FAM135B: variants seen among roughly 807,000 people sequenced by gnomAD.
The protein encoded by FAM135B is family with sequence similarity 135 member B.
FAM135B carries 43 observed loss-of-function variants against 127.7 expected under a neutral mutation model. That is an observed-to-expected ratio of 0.34 (90% CI 0.26 to 0.43). The LOEUF (loss-of-function observed/expected upper bound fraction) is 0.43, where lower values mean the gene tolerates loss of function less well. Among genes scored for constraint, FAM135B ranks in the 20% least tolerant of loss-of-function variants. The pLI is 1.00. For synonymous variants in FAM135B, 670 were observed against 665.1 expected (o/e 1.01, Z -0.11); for missense variants, 1,558 against 1,725.6 (o/e 0.90, Z 1.72).
chr8:138,242,939 T>C lies in FAM135B; in HGVS notation c.669+3A>G. 1 of 1,613,026 alleles carries C rather than the reference T, an allele frequency of 6.2e-7. No homozygotes were observed. Among genetic ancestry groups the C allele is most frequent in the Non-Finnish European group, 8.5e-7 (1 of 1,179,518 alleles). Reference sequence around the variant, plus strand: ...TGAAGCAACTGCCCCACACAGGCCTTACCTCTGAGGAAGTCGGCTTGCAGT... The same window carrying C: ...TGAAGCAACTGCCCCACACAGGCCTCACCTCTGAGGAAGTCGGCTTGCAGT... On this transcript the variant is annotated splice_donor_region_variant and intron_variant, in intron 7 of 19. Transcript: ENST00000395297. The surrounding 1 kb of genome is among the most constrained non-coding windows in gnomAD (Gnocchi z 9.6).
At chr8:138,245,489 C>T (rs907782822) in intron 6 of FAM135B, among the ~76,000 whole-genome samples, 7 of 152,148 alleles carry the variant, frequency 4.6e-5, no homozygotes, top group African/African-American at 1.2e-4. Context: ...GGCTTTCCCC[C>T]ATTTGCTCAG....
At chr8:138,317,159 C>T (rs1362560608) in intron 2 of FAM135B, among the ~76,000 whole-genome samples, 1 of 152,088 alleles carries the variant, frequency 6.6e-6, no homozygotes, top group African/African-American at 2.4e-5. Flanking sequence ...AATGAATAAA[C>T]TGTGGAAACT....
intron 7 of FAM135B, among the ~76,000 whole-genome samples, chr8:138,236,761 T>G (rs555214815): frequency 6.6e-6 from 1 of 152,238 alleles, no homozygotes; most frequent in Non-Finnish European, 1.5e-5. Context: ...ATCAATAACA[T>G]GCTTTTCACA....
chr8:138,393,169 A>T (rs2013310), intron 1 of FAM135B, among the ~76,000 whole-genome samples: 52,071 of 151,968 alleles, frequency 0.34, 9,332 homozygotes, highest in African/African-American at 0.37. Context: ...GCCCCCATGA[A>T]TCAATTATCT....
chr8:138,224,771 G>A (rs6577894), intron 7 of FAM135B, among the ~76,000 whole-genome samples: 58,026 of 151,910 alleles, frequency 0.38, 11,441 homozygotes, highest in African/African-American at 0.43. Context: ...CCCTCATGAT[G>A]AGGTTAATAC....
intron 2 of FAM135B, among the ~76,000 whole-genome samples, chr8:138,359,389 C>A (rs946038351): frequency 6.6e-6 from 1 of 152,142 alleles, no homozygotes; most frequent in Non-Finnish European, 1.5e-5. Flanking sequence ...TGCATTAAAT[C>A]CACTGCTTCT....
chr8:138,330,242 A>G (rs1828071600), intron 2 of FAM135B, among the ~76,000 whole-genome samples: 1 of 152,156 alleles, frequency 6.6e-6, no homozygotes, highest in African/African-American at 2.4e-5. Context: ...CGTGAGTTCA[A>G]AGTTGTGGCT....
chr8:138,331,349 G>A (rs1312310871), intron 2 of FAM135B, among the ~76,000 whole-genome samples: 3 of 152,232 alleles, frequency 2.0e-5, no homozygotes, highest in South Asian at 4.2e-4. Context: ...ACCCCAAATA[G>A]TTTCTTTTAT....
chr8:138,191,158 GT>G (rs969583348), intron 9 of FAM135B, among the ~76,000 whole-genome samples: 3 of 152,222 alleles, frequency 2.0e-5, no homozygotes, highest in African/African-American at 7.2e-5. Flanking sequence ...AGTGACACTG[GT>G]GGCGGCATTT....
intron 2 of FAM135B, among the ~76,000 whole-genome samples, chr8:138,359,979 T>C (rs571354607): frequency 1.3e-5 from 2 of 152,286 alleles, no homozygotes; most frequent in African/African-American, 4.8e-5. Context: ...CTGATAATAC[T>C]GATTATAGGT....
intron 1 of FAM135B, among the ~76,000 whole-genome samples, chr8:138,377,253 G>A (rs950677527): frequency 6.6e-6 from 1 of 152,162 alleles, no homozygotes; most frequent in African/African-American, 2.4e-5. Context: ...GTTCTCAAAC[G>A]ATTGTGTATT....
intron 19 of FAM135B, among the ~76,000 whole-genome samples, chr8:138,136,704 C>T (rs1233080765): frequency 6.6e-6 from 1 of 152,208 alleles, no homozygotes; most frequent in Non-Finnish European, 1.5e-5. Context: ...TCATTGTCAT[C>T]TCCAGGGATC....
At chr8:138,389,058 G>T (rs1473163223) in intron 1 of FAM135B, among the ~76,000 whole-genome samples, 1 of 152,100 alleles carries the variant, frequency 6.6e-6, no homozygotes, top group Admixed American at 6.5e-5. Context: ...ACCTAAAACT[G>T]CTCTTAAAAA....
At chr8:138,342,814 A>G (rs949899547) in intron 2 of FAM135B, among the ~76,000 whole-genome samples, 1 of 152,200 alleles carries the variant, frequency 6.6e-6, no homozygotes, top group Non-Finnish European at 1.5e-5. Context: ...ACAACTATGC[A>G]TCCCCATAGA....
At chr8:138,155,162 C>T (rs201822534) in intron 12 of FAM135B, among the ~76,000 whole-genome samples, 4 of 151,972 alleles carry the variant, frequency 2.6e-5, no homozygotes, top group Non-Finnish European at 5.9e-5. Flanking sequence ...AAGAAAAGAA[C>T]TTTCAACCCA....
Position 138,138,992 on chromosome 8 carries a change from T to A in FAM135B, c.3895A>T (p.Lys1299Ter), listed in dbSNP as rs2130563183. 1 of 1,608,696 alleles carries A rather than the reference T, an allele frequency of 6.2e-7. No individual in the cohort carries two copies. The highest frequency in any genetic ancestry group is 8.5e-7 in the Non-Finnish European group (1 of 1,175,086). Residue 1299 changes from lysine to a stop codon, truncating the protein, a stop_gained, in exon 18 of 20, where the codon AAA (lysine) becomes TAA (stop). Coordinates refer to ENST00000395297, the MANE Select transcript of FAM135B (RefSeq NM_015912.4). LOFTEE classifies it high-confidence loss of function. ...TGTGGGGGAAACCACTGACCTGTTT[T>A]TTGGCTTAGTTGGTAGAGGAAACAT... Reference protein sequence around the residue: ...RKCFLYQLSQKTGLQYFKNVV... With the variant: ...RKCFLYQLSQ
At chr8:138,312,996 T>C (rs1826810955) in intron 2 of FAM135B, among the ~76,000 whole-genome samples, 1 of 152,220 alleles carries the variant, frequency 6.6e-6, no homozygotes, top group Non-Finnish European at 1.5e-5. Flanking sequence ...ATAGACAAAA[T>C]AACAGCCACT....
At chr8:138,244,773 T>C (rs1367285682) in intron 6 of FAM135B, among the ~76,000 whole-genome samples, 1 of 152,232 alleles carries the variant, frequency 6.6e-6, no homozygotes, top group Non-Finnish European at 1.5e-5. Flanking sequence ...GTTATTTACT[T>C]AAGGGTGGTC....
chr8:138,421,269 C>T (rs2131454810), intron 1 of FAM135B, among the ~76,000 whole-genome samples: 2 of 152,158 alleles, frequency 1.3e-5, no homozygotes, highest in Middle Eastern at 6.8e-3. Context: ...GCCACGATTG[C>T]ACCACTGCAT....
Sources: gnomAD v4.1 joint callset for allele counts (sites outside exome capture counted in the v4.1 genomes callset) on GRCh38, gnomAD v4.1.1 for gene constraint, Gnocchi (gnomAD v3.1) non-coding constraint, MANE v1.5 for transcripts, NCBI Gene and HGNC (gene_info 2026-07-23, HGNC 2026-07-21) for gene names.